Variants in WDR25 observed in about 807,000 individuals in gnomAD.
WDR25 encodes the protein WD repeat-containing protein 25.
In WDR25, 35 loss-of-function variants were observed where a neutral mutation model predicts 47.7. That is an observed-to-expected ratio of 0.73 (90% CI 0.56 to 0.97). The LOEUF (loss-of-function observed/expected upper bound fraction) is 0.97, where lower values mean the gene tolerates loss of function less well. WDR25 is among the 50% of genes least tolerant of loss of function. The probability of loss-of-function intolerance (pLI) is 0.00; values close to 1 mark genes in which losing one functional copy is unlikely to be tolerated. For synonymous variants in WDR25, 248 were observed against 278.9 expected, an observed-to-expected ratio of 0.89 and a Z score of 1.10; for missense variants, 634 against 704.7, an observed-to-expected ratio of 0.90 and a Z score of 1.14.
intron 4 of WDR25, among the ~76,000 whole-genome samples, chr14:100,519,791 AC>A (rs1382611733): frequency 1.4e-5 from 2 of 140,648 alleles, no homozygotes; most frequent in Non-Finnish European, 3.0e-5. Flanking sequence ...TATATACTAT[AC>A]TATATGTATA....
intron 2 of WDR25, among the ~76,000 whole-genome samples, chr14:100,419,439 C>CAATA (rs1477601037): frequency 2.0e-5 from 3 of 152,040 alleles, no homozygotes; most frequent in African/African-American, 7.2e-5. Flanking sequence ...AGATGATGAC[C>CAATA]TTATTAACTA....
rs1379251184 is a variant in WDR25, at chr14:100,411,833, G to A, written c.822+30087G>A. On this transcript the variant is annotated intron_variant, in intron 2 of 6. Transcript: ENST00000402312. ...TTACAGGTGTGAGCCACCATGCCCT[G>A]CCTGGTTTTTGCTTTTTATCACGGC... Among the ~76,000 whole-genome samples, 4 of 152,336 alleles carry A rather than the reference G, an allele frequency of 2.6e-5. No homozygotes were observed. In the East Asian group the frequency reaches 5.8e-4, roughly 22 times the overall value.
intron 4 of WDR25, among the ~76,000 whole-genome samples, chr14:100,522,128 A>C (rs186816741): frequency 1.1e-3 from 161 of 152,294 alleles, no homozygotes; most frequent in Non-Finnish European, 6.5e-4. Context: ...TGTATTACAG[A>C]TAGTGACCTT....
intron 4 of WDR25, among the ~76,000 whole-genome samples, chr14:100,493,521 A>G (rs1020425375): frequency 6.6e-6 from 1 of 152,176 alleles, no homozygotes; most frequent in South Asian, 2.1e-4. Flanking sequence ...ATTTAGCAGA[A>G]GGGCTAGAGA....
At chr14:100,448,030 CTGAAAA>C (rs1898894692) in intron 2 of WDR25, among the ~76,000 whole-genome samples, 1 of 151,876 alleles carries the variant, frequency 6.6e-6, no homozygotes, top group Non-Finnish European at 1.5e-5. Flanking sequence ...CTTGTCTCTG[CTGAAAA>C]TACAAAAAAT....
At chr14:100,432,135 G>C (rs906051116) in intron 2 of WDR25, among the ~76,000 whole-genome samples, 1 of 152,190 alleles carries the variant, frequency 6.6e-6, no homozygotes, top group African/African-American at 2.4e-5. Flanking sequence ...TGTGAATTAT[G>C]ACAATGGTTG....
In WDR25 at chr14:100,498,327, T is replaced by C. The variant is rs1316670840; in HGVS notation, c.1101+14203T>C. Among the ~76,000 whole-genome samples, 1 of 152,236 alleles carries C rather than the reference T, an allele frequency of 6.6e-6. No individual in the cohort carries two copies. The highest frequency in any genetic ancestry group is 2.4e-5 in the African/African-American group (1 of 41,460). On this transcript the variant is annotated intron_variant, in intron 4 of 6. Coordinates refer to ENST00000402312, the MANE Select transcript of WDR25 (RefSeq NM_001161476.3). The surrounding 1 kb of genome is among the most constrained non-coding windows in gnomAD (Gnocchi z 4.2). ...CCACGTTCCGTAACAAGCGGGCCATTGCCACGCCCAGTTCAGAAGGGAGAT... is the reference window on the plus strand; with the variant it reads ...CCACGTTCCGTAACAAGCGGGCCATCGCCACGCCCAGTTCAGAAGGGAGAT...
chr14:100,402,931 C>T (rs1224375712), intron 2 of WDR25, among the ~76,000 whole-genome samples: 1 of 152,098 alleles, frequency 6.6e-6, no homozygotes, highest in Non-Finnish European at 1.5e-5. Flanking sequence ...TAGGAGGACA[C>T]CCTTAGGTTG....
intron 4 of WDR25, among the ~76,000 whole-genome samples, chr14:100,517,170 C>A (rs1901533364): frequency 7.6e-6 from 1 of 130,984 alleles, no homozygotes; most frequent in African/African-American, 3.0e-5. Flanking sequence ...GGCTGGAGTG[C>A]AGTGGCACAA....
Position 100,396,076 on chromosome 14 carries a change from A to G in WDR25, c.822+14330A>G, listed in dbSNP as rs1897253029. ...ACTGCAAGCTCCGCCTTCCGGGTTC[A>G]TGACATTCTCCTGCCTCAGCCTCCC... On this transcript the variant is annotated intron_variant, in intron 2 of 6. Transcript: ENST00000402312. Among the ~76,000 whole-genome samples, 4 of 144,396 alleles carry G rather than the reference A, an allele frequency of 2.8e-5. No individual in the cohort carries two copies. The South Asian group carries it at 6.4e-4, about 23-fold the overall frequency. 94.7% of individuals were successfully genotyped at this position (144,396 alleles called of 152,430 possible).
chr14:100,484,004 A>G lies in WDR25; in HGVS notation c.981A>G (p.Leu327=), dbSNP rs758130926. ...CTTTTTGTGTTGTAGGAACCCAGCT[A>G]TTTAGTGGTCGAAGTGACTTTAGAA... is the stretch of plus-strand genomic sequence containing the variant. ...HLTDLETGTQ[L]FSGRSDFRIT... Residue 327 remains leucine, a synonymous_variant, in exon 4 of 7, where the codon CTA becomes CTG. Coordinates refer to ENST00000402312, the MANE Select transcript of WDR25 (RefSeq NM_001161476.3). 1.9e-6 allele frequency: 3 copies of G among 1,611,888 alleles called. No individual in the cohort carries two copies. The highest frequency in any genetic ancestry group is 1.7e-5 in the Admixed American group (1 of 59,482).
At chr14:100,464,973 A>C (rs1899574934) in intron 2 of WDR25, among the ~76,000 whole-genome samples, 15 of 134,806 alleles carry the variant, frequency 1.1e-4, no homozygotes, top group Admixed American at 2.4e-4. Flanking sequence ...ACCCCATCTC[A>C]TCTCCCCTGC....
intron 2 of WDR25, among the ~76,000 whole-genome samples, chr14:100,461,927 GT>G (rs796146098): frequency 1.3e-3 from 187 of 143,990 alleles, no homozygotes; most frequent in African/African-American, 3.4e-3. Context: ...TGTTTTGTTT[GT>G]TTTTTTTTTT....
chr14:100,461,248 C>CT (rs1899403937), intron 2 of WDR25, among the ~76,000 whole-genome samples: 1 of 151,982 alleles, frequency 6.6e-6, no homozygotes, highest in South Asian at 2.1e-4. Context: ...AAATTCCACT[C>CT]TGTCTATTTT....
intron 2 of WDR25, among the ~76,000 whole-genome samples, chr14:100,416,815 A>T (rs1286397592): frequency 1.3e-5 from 2 of 152,102 alleles, no homozygotes; most frequent in Admixed American, 1.3e-4. Flanking sequence ...CTCGTTACTG[A>T]CTGTAGGGTA....
rs150852943 is a variant in WDR25, at chr14:100,526,261, A to G, written c.1272+221A>G. Among the ~76,000 whole-genome samples, 1,504 of 152,168 alleles carry G rather than the reference A, an allele frequency of 9.9e-3. 27 individuals carry two copies. The highest frequency in any genetic ancestry group is 0.034 in the African/African-American group (1,431 of 41,524). Reference sequence around the variant, plus strand: ...CTGCTCTTCTTGTGCCAGCACAGCAACCCCACAGGGTAAGGGTCTGGTGGG... The same window carrying G: ...CTGCTCTTCTTGTGCCAGCACAGCAGCCCCACAGGGTAAGGGTCTGGTGGG... On this transcript the variant is annotated intron_variant, in intron 5 of 6. Transcript: ENST00000402312.
At position 100,529,391 on chromosome 14, in the gene WDR25, T is replaced by A; in HGVS notation, c.1413+183T>A. ...CAAGTCCCTGAACCACATCTGGTCCTCACCCCAGGCCCCACGTACTGGGCA... is the reference window on the plus strand; with the variant it reads ...CAAGTCCCTGAACCACATCTGGTCCACACCCCAGGCCCCACGTACTGGGCA... On this transcript the variant is annotated intron_variant, in intron 6 of 6. Coordinates refer to ENST00000402312, the MANE Select transcript of WDR25 (RefSeq NM_001161476.3). This position sits in a 1 kb window ranked among gnomAD's most constrained non-coding sequence, Gnocchi z 5.1. The A allele has an allele frequency of 2.2e-6, 2 of 900,858 alleles. No individual in the cohort carries two copies. The allele number at this position is 900,858 out of a possible 1,614,324, so 55.8% of individuals were successfully genotyped here. A position where few individuals can be genotyped will look rare whatever the true frequency, so the allele number is the denominator to read the frequency against.
intron 2 of WDR25, among the ~76,000 whole-genome samples, chr14:100,454,165 C>T (rs1899127107): frequency 6.6e-6 from 1 of 152,208 alleles, no homozygotes; most frequent in Non-Finnish European, 1.5e-5. Flanking sequence ...CTCAAACTCC[C>T]ATACCATGTA....
At chr14:100,388,393 C>T (rs545126736) in intron 2 of WDR25, among the ~76,000 whole-genome samples, 9 of 152,316 alleles carry the variant, frequency 5.9e-5, no homozygotes, top group East Asian at 1.9e-4. Context: ...AAGACACGCC[C>T]GAGGACACAC....
Sources: allele counts gnomAD v4.1 joint callset (sites outside exome capture counted in the v4.1 genomes callset), GRCh38; gene constraint gnomAD v4.1.1; non-coding constraint Gnocchi (gnomAD v3.1); transcripts MANE v1.5; gene names NCBI Gene and HGNC (gene_info 2026-07-23, HGNC 2026-07-21).